CSRP2: variants seen among roughly 807,000 people sequenced by gnomAD.
The protein encoded by CSRP2 is cysteine and glycine-rich protein 2.
In CSRP2, 18 loss-of-function variants were observed where a neutral mutation model predicts 24.6. The observed-to-expected ratio is 0.73, with a 90% CI of 0.51 to 1.09. The LOEUF (loss-of-function observed/expected upper bound fraction) is 1.09, where lower values mean the gene tolerates loss of function less well. CSRP2 is among the 50% of genes least tolerant of loss of function. The pLI is 0.00. For synonymous variants in CSRP2, 87 were observed against 84.3 expected (o/e 1.03, Z -0.18); for missense variants, 215 against 239.4 (o/e 0.90, Z 0.67).
rs75426241 is a variant in CSRP2 at position 76,870,006 on chromosome 12, G to A, written c.-1-3745C>T. ...TGCTGGAAGTTCCCTCATGATTCCT[G>A]CAGAACCAAAGGCCAAATCCAGGCC... On this transcript the variant is annotated intron_variant, in intron 1 of 5. Coordinates refer to ENST00000311083, the MANE Select transcript of CSRP2 (RefSeq NM_001321.3). Among the ~76,000 whole-genome samples the A allele has an allele frequency of 3.2e-3, 480 of 152,236 alleles. 1 individual carries two copies. The highest frequency in any genetic ancestry group is 0.011 in the African/African-American group (457 of 41,552).
At chr12:76,877,671 T>C (rs1041983446) in intron 1 of CSRP2, among the ~76,000 whole-genome samples, 5 of 152,148 alleles carry the variant, frequency 3.3e-5, no homozygotes, top group Non-Finnish European at 5.9e-5. Context: ...TCAGTGACAA[T>C]GGACGAGAGC....
chr12:76,870,760 CTTTGGAA>C (rs1953788239), intron 1 of CSRP2, among the ~76,000 whole-genome samples: 1 of 150,962 alleles, frequency 6.6e-6, no homozygotes, highest in Non-Finnish European at 1.5e-5. Context: ...AATCCCAACA[CTTTGGAA>C]TTTGGAATTT....
chr12:76,877,095 G>C (rs773828147), intron 1 of CSRP2, among the ~76,000 whole-genome samples: 1 of 152,178 alleles, frequency 6.6e-6, no homozygotes, highest in Non-Finnish European at 1.5e-5. Context: ...CCCATAGGGG[G>C]CTCCCTTTTG....
At chr12:76,872,580 C>A (rs1237434969) in intron 1 of CSRP2, among the ~76,000 whole-genome samples, 4 of 152,214 alleles carry the variant, frequency 2.6e-5, no homozygotes, top group Non-Finnish European at 4.4e-5. Flanking sequence ...ATCATGGCGC[C>A]CTGCATTTGC....
Position 76,867,261 on chromosome 12 carries a change from G to T in CSRP2, c.-1-1000C>A, listed in dbSNP as rs1221466325. 5.9e-5 allele frequency among the ~76,000 whole-genome samples: 9 copies of T among 151,286 alleles called. 2 individuals carry two copies. Among genetic ancestry groups the T allele is most frequent in the South Asian group, 2.1e-4 (1 of 4,790 alleles). On this transcript the variant is annotated intron_variant, in intron 1 of 5. Coordinates refer to ENST00000311083, the MANE Select transcript of CSRP2 (RefSeq NM_001321.3). The stretch of plus-strand genomic sequence containing the variant: ...CCCAGCACTTTCGGAGGCCGAGGTG[G>T]GTGGATCACCTGAGGTCAGGAGTTT...
intron 3 of CSRP2, 42 bp downstream of exon 3, chr12:76,863,134 C>T: frequency 4.4e-6 from 7 of 1,575,326 alleles, no homozygotes; most frequent in Non-Finnish European, 6.0e-6. Context: ...CACTAACTGT[C>T]GCAACTCATT....
chr12:76,863,512 A>G (rs1953705234), intron 2 of CSRP2, 168 bp from the exon 3 acceptor site: 1 of 571,506 alleles, frequency 1.7e-6, no homozygotes, highest in Non-Finnish European at 3.0e-6. Flanking sequence ...TGGACTGGCC[A>G]GCTACATTCG....
chr12:76,866,610 C>T (rs1474117533), intron 1 of CSRP2, among the ~76,000 whole-genome samples: 1 of 152,142 alleles, frequency 6.6e-6, no homozygotes, highest in Non-Finnish European at 1.5e-5. Context: ...AGCCTTGTCC[C>T]CCTCCCTAAT....
chr12:76,878,536 A>C (rs907486278), intron 1 of CSRP2, among the ~76,000 whole-genome samples: 18 of 152,192 alleles, frequency 1.2e-4, no homozygotes, highest in Admixed American at 3.3e-4. Flanking sequence ...CCCCCACCCC[A>C]GAGAGAGCCT....
chr12:76,871,729 A>G (rs1311052688), intron 1 of CSRP2, among the ~76,000 whole-genome samples: 1 of 150,982 alleles, frequency 6.6e-6, no homozygotes, highest in East Asian at 1.9e-4. Flanking sequence ...GTGCCACTGC[A>G]GTCCCGCCTG....
chr12:76,868,255 T>C (rs1218798834), intron 1 of CSRP2, among the ~76,000 whole-genome samples: 2 of 152,132 alleles, frequency 1.3e-5, no homozygotes, highest in Admixed American at 6.5e-5. Context: ...AAATTAAAAA[T>C]AACAGTCCTT....
intron 3 of CSRP2, chr12:76,861,040 G>A (rs1953671561): frequency 1.3e-5 from 2 of 152,024 alleles, no homozygotes; most frequent in African/African-American, 4.8e-5. Context: ...GGTAAGGGTG[G>A]TATTTTTGTC....
At position 76,859,593 on chromosome 12, in the gene CSRP2, A is replaced by C; in HGVS notation, c.459T>G (p.Leu153=). 1 of 1,613,276 alleles carries C rather than the reference A, an allele frequency of 6.2e-7. No homozygotes were observed. Among genetic ancestry groups the C allele is most frequent in the South Asian group, 1.1e-5 (1 of 91,018 alleles). The change falls in exon 5 of 6, where the codon CTT becomes CTG. Residue 153 remains leucine, a synonymous_variant. Transcript: ENST00000311083. ...CFRCAKCGKS[L]ESTTLTEKEG... ...CTTTTTCAGTCAGAGTTGTTGATTC[A>C]AGACTCTTCCCACACTTTGCACATC...
chr12:76,859,732 C>T, intron 4 of CSRP2, 92 bp from the exon 5 acceptor site: 2 of 906,630 alleles, frequency 2.2e-6, no homozygotes. Context: ...GGATGATCAT[C>T]TCAAAGCAAG....
At chr12:76,877,043 C>G (rs1391679953) in intron 1 of CSRP2, among the ~76,000 whole-genome samples, 2 of 152,250 alleles carry the variant, frequency 1.3e-5, no homozygotes, top group Non-Finnish European at 2.9e-5. Context: ...GAATTTGGTC[C>G]TGCCTGGCTT....
intron 4 of CSRP2, 127 bp from the exon 5 acceptor site, chr12:76,859,767 C>A: frequency 1.5e-6 from 1 of 658,170 alleles, no homozygotes; most frequent in Non-Finnish European, 2.6e-6. Context: ...GGTTCAGCTC[C>A]AATGAGAAGG....
At chr12:76,873,775 C>G (rs929605443) in intron 1 of CSRP2, among the ~76,000 whole-genome samples, 1 of 152,172 alleles carries the variant, frequency 6.6e-6, no homozygotes, top group Admixed American at 6.5e-5. Context: ...GCCCTACCAT[C>G]TCACATATCT....
intron 1 of CSRP2, among the ~76,000 whole-genome samples, chr12:76,870,652 T>G (rs2137833379): frequency 6.6e-6 from 1 of 152,178 alleles, no homozygotes; most frequent in Admixed American, 6.5e-5. Context: ...TAGAGGGAAA[T>G]GATGTAACAA....
At chr12:76,872,631 G>A (rs1176484798) in intron 1 of CSRP2, among the ~76,000 whole-genome samples, 1 of 152,156 alleles carries the variant, frequency 6.6e-6, no homozygotes, top group Non-Finnish European at 1.5e-5. Context: ...TTTTTCTTGG[G>A]CTACGTGAAT....
Sources: allele counts gnomAD v4.1 joint callset (sites outside exome capture counted in the v4.1 genomes callset), GRCh38; gene constraint gnomAD v4.1.1; transcripts MANE v1.5; gene names NCBI Gene and HGNC (gene_info 2026-07-23, HGNC 2026-07-21).